The following HELZ variants were observed in gnomAD, a reference collection of about 807,000 sequenced individuals.
HELZ encodes the protein ATP-dependent RNA helicase with zinc finger domain.
In HELZ, 23 loss-of-function variants were observed where a neutral mutation model predicts 218.2. The observed-to-expected ratio is 0.11, with a 90% CI of 0.08 to 0.15. The LOEUF (loss-of-function observed/expected upper bound fraction) is 0.15. HELZ is among the 10% of genes least tolerant of loss of function. The pLI is 1.00. For missense variants in HELZ, 1,813 were observed against 2,353.7 expected, an observed-to-expected ratio of 0.77 and a Z score of 4.75; for synonymous variants, 814 against 829.4, an observed-to-expected ratio of 0.98 and a Z score of 0.32.
chr17:67,245,294 C>T, upstream of HELZ: 2 of 909,482 alleles, frequency 2.2e-6, no homozygotes, highest in Non-Finnish European at 2.6e-6. Context: ...CCGCGCCTCC[C>T]GCCCGGAAAG....
At position 67,194,041 on chromosome 17, in the gene HELZ, C is replaced by T. The variant is rs776645519; in HGVS notation, c.483G>A (p.Gly161=). 3.1e-6 allele frequency: 5 copies of T among 1,607,900 alleles called. No individual in the cohort carries two copies. The highest frequency in any genetic ancestry group is 4.5e-5 in the East Asian group (2 of 44,848). ...GGCGGAAATGCCAACCATTACAAGA[C>T]CCTAGGGAGTAATTAGGATATAGTC... ...SGYHVEDLDE[G]SCNGWHFRPP... The change falls in exon 9 of 33, where the codon GGG becomes GGA. Residue 161 remains glycine (G), a splice_region_variant and synonymous_variant. Coordinates refer to ENST00000358691, the MANE Select transcript of HELZ (RefSeq NM_014877.4).
chr17:67,229,211 CAG>C (rs1357481913), intron 3 of HELZ, among the ~76,000 whole-genome samples: 4 of 152,144 alleles, frequency 2.6e-5, no homozygotes, highest in African/African-American at 9.7e-5. Flanking sequence ...AGCTCATTAA[CAG>C]ATATCCGGGC....
chr17:67,145,602 G>A, intron 21 of HELZ, 141 bp downstream of exon 21: 2 of 615,608 alleles, frequency 3.2e-6, no homozygotes, highest in East Asian at 5.8e-5. Flanking sequence ...ATACAAGAAA[G>A]AATAAACTTT....
chr17:67,122,942 A>G (rs368607980), intron 26 of HELZ, 28 bp downstream of exon 26: 81 of 1,501,348 alleles, frequency 5.4e-5, no homozygotes, highest in Middle Eastern at 1.8e-4. Flanking sequence ...ACTTGATTCA[A>G]TAGAAAGTAT....
In HELZ at chr17:67,148,727, AACAT is replaced by A; in HGVS notation, c.2476-17_2476-14del. ...CAAAAGGACTGAGCTGTAACAGACA[AACAT>A]ACAGAGAAAGTTTAACTGAACATAC... is the stretch of plus-strand genomic sequence containing the variant. On this transcript the variant is annotated splice_polypyrimidine_tract_variant and intron_variant, in intron 19 of 32. Transcript: ENST00000358691. 5 of 1,594,238 alleles carry A rather than the reference AACAT, an allele frequency of 3.1e-6. No individual in the cohort carries two copies. Among genetic ancestry groups the A allele is most frequent in the Non-Finnish European group, 4.3e-6 (5 of 1,172,908 alleles).
chr17:67,234,625 AG>A (rs573079911), intron 3 of HELZ, among the ~76,000 whole-genome samples: 162 of 152,210 alleles, frequency 1.1e-3, no homozygotes, highest in Non-Finnish European at 3.1e-4. Flanking sequence ...GCTTCAGGCC[AG>A]GAGTTCAAGA....
chr17:67,206,603 T>TG (rs1730704459), intron 5 of HELZ, among the ~76,000 whole-genome samples: 1 of 151,844 alleles, frequency 6.6e-6, no homozygotes, highest in Admixed American at 6.6e-5. Flanking sequence ...TAGGACTTTT[T>TG]TTTTTTTTTT....
rs1239215455 is a variant in HELZ at position 67,074,478 on chromosome 17, C to G, written c.*3774G>C. 1.3e-5 allele frequency: 2 copies of G among 152,086 alleles called. No homozygotes were observed. The highest frequency in any genetic ancestry group is 4.8e-5 in the African/African-American group (2 of 41,436). 9.4% of individuals were successfully genotyped at this position (152,086 alleles called of 1,614,324 possible). A position where few individuals can be genotyped will look rare whatever the true frequency, so the allele number is the denominator to read the frequency against. On this transcript the variant is annotated 3_prime_UTR_variant, in exon 33 of 33. Transcript: ENST00000358691. ...CAATGGTTGAAATACTAAAATTTAT[C>G]TTGAAATTGTTCTTCACACCCTGAC...
At chr17:67,092,749 T>C (rs1275681925) in intron 31 of HELZ, among the ~76,000 whole-genome samples, 1 of 152,174 alleles carries the variant, frequency 6.6e-6, no homozygotes, top group Non-Finnish European at 1.5e-5. Context: ...GTGGATCACC[T>C]GAGGTCAGGA....
At chr17:67,238,852 T>A (rs1490155764) in intron 3 of HELZ, among the ~76,000 whole-genome samples, 1 of 152,172 alleles carries the variant, frequency 6.6e-6, no homozygotes, top group African/African-American at 2.4e-5. Context: ...TACTCAAGAC[T>A]AAACTGTTTT....
chr17:67,089,137 C>T (rs1017720857), intron 31 of HELZ, among the ~76,000 whole-genome samples: 2 of 152,126 alleles, frequency 1.3e-5, no homozygotes, highest in Admixed American at 1.3e-4. Context: ...ACAAAACTAA[C>T]GTTGGGTATG....
At chr17:67,083,859 T>C (rs185664062) in intron 32 of HELZ, among the ~76,000 whole-genome samples, 94 of 152,314 alleles carry the variant, frequency 6.2e-4, no homozygotes, top group African/African-American at 2.2e-3. Context: ...AAGCATTTAC[T>C]AAGAGCCTAA....
intron 4 of HELZ, among the ~76,000 whole-genome samples, chr17:67,216,200 G>A (rs893048273): frequency 4.6e-5 from 7 of 151,898 alleles, no homozygotes; most frequent in East Asian, 1.9e-4. Flanking sequence ...CTCCCTCCCC[G>A]CCAAAAGCTT....
chr17:67,244,689 C>A (rs1400742703), intron 1 of HELZ: 3 of 983,582 alleles, frequency 3.1e-6, no homozygotes, highest in African/African-American at 1.7e-5. Flanking sequence ...CCAGCCCCCA[C>A]CCCACCCGGT....
chr17:67,168,129 C>A lies in HELZ; in HGVS notation c.1431-333G>T, dbSNP rs554943555. Among the ~76,000 whole-genome samples, 6 of 152,070 alleles carry A rather than the reference C, an allele frequency of 3.9e-5. No individual in the cohort carries two copies. The South Asian group carries it at 1.2e-3, about 32-fold the overall frequency. ...CCCGAGTAGCTGGGATTACAGATGCCCACCACGCCCGGCTAATTTTTGTAT... is the reference window on the plus strand; with the variant it reads ...CCCGAGTAGCTGGGATTACAGATGCACACCACGCCCGGCTAATTTTTGTAT... On this transcript the variant is annotated intron_variant, in intron 13 of 32. Transcript: ENST00000358691.
intron 3 of HELZ, chr17:67,224,914 A>G: frequency 4.1e-6 from 3 of 726,034 alleles, no homozygotes; most frequent in Non-Finnish European, 5.1e-6. Flanking sequence ...TAAAACTACA[A>G]AGACGACTGT....
At chr17:67,123,836 T>TGTGTCA in intron 25 of HELZ, 127 bp downstream of exon 25, 1 of 726,684 alleles carries the variant, frequency 1.4e-6, no homozygotes, top group South Asian at 1.5e-5. Context: ...TGTGTGTGTG[T>TGTGTCA]GTGTGTGTGT....
At chr17:67,190,848 T>C (rs1033344408) in intron 9 of HELZ, among the ~76,000 whole-genome samples, 4 of 152,202 alleles carry the variant, frequency 2.6e-5, no homozygotes, top group Admixed American at 6.5e-5. Context: ...TAGCTGGGAT[T>C]ACAGGCGCCC....
chr17:67,153,979 T>C (rs769456807), intron 17 of HELZ, among the ~76,000 whole-genome samples: 4 of 152,240 alleles, frequency 2.6e-5, no homozygotes, highest in African/African-American at 9.6e-5. Flanking sequence ...ATTTTGGTAA[T>C]AATTTCCTTT....
Sources: gnomAD v4.1 joint callset for allele counts (sites outside exome capture counted in the v4.1 genomes callset) on GRCh38, gnomAD v4.1.1 for gene constraint, MANE v1.5 for transcripts, NCBI Gene and HGNC (gene_info 2026-07-23, HGNC 2026-07-21) for gene names.